Variants in KIAA1958 observed in about 807,000 individuals in gnomAD.
The protein encoded by KIAA1958 is uncharacterized protein KIAA1958.
A neutral mutation model predicts 47.2 loss-of-function variants in KIAA1958; 14 were observed. The ratio of observed to expected loss-of-function variants is 0.30; its 90% CI spans 0.20 to 0.46. The LOEUF is 0.46. Among genes scored for constraint, KIAA1958 ranks in the 20% least tolerant of loss-of-function variants. The pLI is 1.00. For synonymous variants in KIAA1958, 354 were observed against 353.3 expected (o/e 1.00, Z -0.02); for missense variants, 803 against 909.2 (o/e 0.88, Z 1.50).
intron 2 of KIAA1958, among the ~76,000 whole-genome samples, chr9:112,587,100 T>C (rs1387458060): frequency 6.6e-6 from 1 of 152,182 alleles, no homozygotes; most frequent in Non-Finnish European, 1.5e-5. Flanking sequence ...TTTATGTAAC[T>C]AATGGCTTGT....
intron 1 of KIAA1958, among the ~76,000 whole-genome samples, chr9:112,570,590 C>T (rs78858999): frequency 2.0e-5 from 3 of 152,182 alleles, no homozygotes; most frequent in Non-Finnish European, 2.9e-5. Context: ...TTTAACTTAT[C>T]ACAGCCCTTT....
chr9:112,585,532 CA>C (rs1588028918), intron 2 of KIAA1958, among the ~76,000 whole-genome samples: 1 of 152,284 alleles, frequency 6.6e-6, no homozygotes, highest in East Asian at 1.9e-4. Flanking sequence ...CCACGGGGCT[CA>C]GGGGGACACA....
At chr9:112,597,867 A>T (rs1836060403) in intron 2 of KIAA1958, among the ~76,000 whole-genome samples, 1 of 151,938 alleles carries the variant, frequency 6.6e-6, no homozygotes, top group South Asian at 2.1e-4. Flanking sequence ...TTTTCTGATA[A>T]TCAAGTTAAT....
intron 1 of KIAA1958, among the ~76,000 whole-genome samples, chr9:112,507,174 C>A (rs1200156488): frequency 1.3e-5 from 2 of 152,130 alleles, no homozygotes; most frequent in East Asian, 3.8e-4. Context: ...GCCTTTCTTT[C>A]CCAACTCCCT....
intron 2 of KIAA1958, among the ~76,000 whole-genome samples, chr9:112,645,255 T>C (rs1174792416): frequency 6.6e-6 from 1 of 152,254 alleles, no homozygotes; most frequent in Non-Finnish European, 1.5e-5. Flanking sequence ...GGGTATATCA[T>C]TTTTTATTTG....
intron 2 of KIAA1958, among the ~76,000 whole-genome samples, chr9:112,634,481 T>A (rs1836767167): frequency 6.6e-6 from 1 of 152,252 alleles, no homozygotes; most frequent in Non-Finnish European, 1.5e-5. Context: ...TCCGCCAGCC[T>A]TGGCCTCCCA....
rs908148736 is a variant in KIAA1958 at position 112,641,089 on chromosome 9, A to G, written c.1172-4561A>G. Among the ~76,000 whole-genome samples the G allele has an allele frequency of 3.3e-5, 5 of 152,174 alleles. No individual in the cohort carries two copies. In the South Asian group the frequency reaches 8.3e-4, roughly 25 times the overall value. On this transcript the variant is annotated intron_variant, in intron 2 of 3. Coordinates refer to ENST00000337530, the MANE Select transcript of KIAA1958 (RefSeq NM_133465.4). Reference sequence around the variant, plus strand: ...CCACATTACTGAATGTTAAAAATAAATGTTTGCTCCTCACTATGTCTTATA... The same window carrying G: ...CCACATTACTGAATGTTAAAAATAAGTGTTTGCTCCTCACTATGTCTTATA...
intron 2 of KIAA1958, among the ~76,000 whole-genome samples, chr9:112,598,469 C>T (rs966580852): frequency 6.6e-6 from 1 of 152,168 alleles, no homozygotes; most frequent in African/African-American, 2.4e-5. Flanking sequence ...TACACTCAGG[C>T]TGCTGTGTGG....
chr9:112,645,808 A>G lies in KIAA1958; in HGVS notation c.1330A>G (p.Thr444Ala). The G allele has an allele frequency of 1.9e-6, 3 of 1,612,180 alleles. No homozygotes were observed. The highest frequency in any genetic ancestry group is 1.7e-6 in the Non-Finnish European group (2 of 1,179,508). The change falls in exon 3 of 4, where the codon ACA becomes GCA. Residue 444 changes from threonine to alanine, a missense_variant. Thr to Ala is a moderately conservative substitution (Grantham distance 58). This residue lies in a region of KIAA1958 where 761 missense variants were observed against 829.3 expected (regional missense o/e 0.92). Transcript: ENST00000337530. ...WCMTNGLKDH[T>A]DITKIPAVKL... ...CATGACCAACGGGCTCAAAGACCACACAGACATCACCAAGGTAAGGGACTC... is the reference window on the plus strand; with the variant it reads ...CATGACCAACGGGCTCAAAGACCACGCAGACATCACCAAGGTAAGGGACTC...
intron 1 of KIAA1958, among the ~76,000 whole-genome samples, chr9:112,550,824 G>A (rs915584485): frequency 2.0e-5 from 3 of 152,270 alleles, no homozygotes; most frequent in Admixed American, 2.0e-4. Context: ...GAACCTGTGC[G>A]ACTGACCTTA....
chr9:112,590,864 T>G (rs1370673624), intron 2 of KIAA1958, among the ~76,000 whole-genome samples: 2 of 152,234 alleles, frequency 1.3e-5, no homozygotes, highest in Admixed American at 1.3e-4. Flanking sequence ...GAAGTTGATA[T>G]GTCTAATGCA....
chr9:112,553,692 GAC>G (rs1287475918), intron 1 of KIAA1958, among the ~76,000 whole-genome samples: 1 of 152,108 alleles, frequency 6.6e-6, no homozygotes, highest in Non-Finnish European at 1.5e-5. Context: ...AGCCTTTGAA[GAC>G]ATTTCTAAAT....
intron 1 of KIAA1958, among the ~76,000 whole-genome samples, chr9:112,548,641 A>T (rs1166440613): frequency 6.6e-6 from 1 of 152,228 alleles, no homozygotes; most frequent in Non-Finnish European, 1.5e-5. Flanking sequence ...CAAGCAATGT[A>T]TCTTTAAGGT....
chr9:112,533,352 G>A (rs1834786118), intron 1 of KIAA1958, among the ~76,000 whole-genome samples: 2 of 151,666 alleles, frequency 1.3e-5, no homozygotes, highest in Admixed American at 1.3e-4. Context: ...CGAGGCAGGT[G>A]GATCATGAGG....
At chr9:112,565,849 C>T (rs900680646) in intron 1 of KIAA1958, among the ~76,000 whole-genome samples, 1 of 152,122 alleles carries the variant, frequency 6.6e-6, no homozygotes, top group African/African-American at 2.4e-5. Context: ...ATGAGATTGG[C>T]GATGGATTTA....
At chr9:112,619,085 T>A in intron 2 of KIAA1958, 1 of 572,626 alleles carries the variant, frequency 1.7e-6, no homozygotes, top group Non-Finnish European at 2.3e-6. Flanking sequence ...GATAATTTAG[T>A]ATTACTAACA....
intron 1 of KIAA1958, among the ~76,000 whole-genome samples, chr9:112,555,466 T>G (rs1835224265): frequency 6.6e-6 from 1 of 152,216 alleles, no homozygotes; most frequent in African/African-American, 2.4e-5. Context: ...CCTCAGCTCC[T>G]TTCTGCTGCT....
intron 2 of KIAA1958, among the ~76,000 whole-genome samples, chr9:112,631,631 T>C (rs1198136977): frequency 1.3e-5 from 2 of 151,982 alleles, no homozygotes; most frequent in Non-Finnish European, 2.9e-5. Flanking sequence ...TAGACATTTA[T>C]TATTAATAAT....
intron 3 of KIAA1958, among the ~76,000 whole-genome samples, chr9:112,651,368 A>AT (rs1456971697): frequency 6.8e-6 from 1 of 148,086 alleles, no homozygotes; most frequent in Admixed American, 6.8e-5. Flanking sequence ...CTATATATAT[A>AT]TTTTTTATAT....
Sources: allele counts gnomAD v4.1 joint callset (sites outside exome capture counted in the v4.1 genomes callset), GRCh38; gene constraint gnomAD v4.1.1; regional missense constraint gnomAD v4.1.1; transcripts MANE v1.5; gene names NCBI Gene and HGNC (gene_info 2026-07-23, HGNC 2026-07-21).